The following GRAMD1B variants were observed in gnomAD, a reference collection of about 807,000 sequenced individuals.
GRAMD1B encodes the protein GRAM domain containing 1B.
In GRAMD1B, 37 loss-of-function variants were observed where a neutral mutation model predicts 99.7. The ratio of observed to expected loss-of-function variants is 0.37; its 90% CI spans 0.29 to 0.49. The LOEUF (loss-of-function observed/expected upper bound fraction) is 0.49, where lower values mean the gene tolerates loss of function less well. GRAMD1B is among the 20% of genes least tolerant of loss of function. The pLI is 0.98. For synonymous variants in GRAMD1B, 427 were observed against 387.6 expected (o/e 1.10, Z -1.19); for missense variants, 888 against 1,009.2 (o/e 0.88, Z 1.63).
At chr11:123,501,528 T>A (rs1767697272) in intron 2 of GRAMD1B, among the ~76,000 whole-genome samples, 1 of 152,152 alleles carries the variant, frequency 6.6e-6, no homozygotes, top group South Asian at 2.1e-4. Context: ...GAAACATGAT[T>A]ATCAAGGCAC....
At chr11:123,583,074 C>G (rs1047630490) in intron 3 of GRAMD1B, among the ~76,000 whole-genome samples, 5 of 150,104 alleles carry the variant, frequency 3.3e-5, no homozygotes, top group Admixed American at 6.6e-5. Context: ...ATGTGTGTGT[C>G]TCTGTGTGTA....
intron 2 of GRAMD1B, 28 bp from the exon 3 acceptor site, chr11:123,577,339 C>T: frequency 6.5e-7 from 1 of 1,541,586 alleles, no homozygotes; most frequent in South Asian, 1.2e-5. Context: ...CTTTCCACCC[C>T]GCTCCCTCTC....
At chr11:123,391,379 C>T (rs1246246959) in intron 1 of GRAMD1B, among the ~76,000 whole-genome samples, 2 of 152,164 alleles carry the variant, frequency 1.3e-5, no homozygotes, top group African/African-American at 2.4e-5. Context: ...ATATATCTAA[C>T]TTTCTGTCAC....
At chr11:123,499,068 G>T (rs1939593307) in intron 2 of GRAMD1B, among the ~76,000 whole-genome samples, 1 of 152,202 alleles carries the variant, frequency 6.6e-6, no homozygotes, top group Admixed American at 6.5e-5. Context: ...ACGTAGCTTG[G>T]TGGTATGGTT....
At chr11:123,606,833 GCT>G in intron 11 of GRAMD1B, 35 bp downstream of exon 11, 2 of 1,560,194 alleles carry the variant, frequency 1.3e-6, no homozygotes, top group Non-Finnish European at 1.8e-6. Context: ...AGTGGCCCTT[GCT>G]CTGTTTTGAA....
intron 1 of GRAMD1B, among the ~76,000 whole-genome samples, chr11:123,385,150 T>C (rs569295462): frequency 1.3e-5 from 2 of 152,372 alleles, no homozygotes; most frequent in South Asian, 4.1e-4. Context: ...GTTTACACTA[T>C]GCCAATTCTT....
chr11:123,585,183 A>G (rs1424236780), intron 4 of GRAMD1B, among the ~76,000 whole-genome samples: 1 of 152,170 alleles, frequency 6.6e-6, no homozygotes, highest in Non-Finnish European at 1.5e-5. Flanking sequence ...CGGACACACC[A>G]GGTTCTGCTG....
chr11:123,500,476 A>G (rs1468778508), intron 2 of GRAMD1B, among the ~76,000 whole-genome samples: 1 of 152,156 alleles, frequency 6.6e-6, no homozygotes, highest in East Asian at 1.9e-4. Flanking sequence ...TCACTTCCAC[A>G]ATGGGAAATT....
At chr11:123,583,212 G>A (rs958560250) in intron 3 of GRAMD1B, among the ~76,000 whole-genome samples, 6 of 151,246 alleles carry the variant, frequency 4.0e-5, no homozygotes, top group East Asian at 1.9e-4. Context: ...ACGTGTATTC[G>A]TGCGTGTGTG....
chr11:123,560,527 G>A (rs942633295), intron 2 of GRAMD1B: 98 of 1,267,748 alleles, frequency 7.7e-5, no homozygotes, highest in Non-Finnish European at 9.4e-5. Flanking sequence ...TGGTCATGGA[G>A]GTGAGTGCCC....
intron 1 of GRAMD1B, among the ~76,000 whole-genome samples, chr11:123,407,636 C>T (rs574506845): frequency 6.6e-6 from 1 of 152,192 alleles, no homozygotes. Flanking sequence ...GGCAGTTTTA[C>T]ACGGGGTTAG....
chr11:123,608,700 T>C lies in GRAMD1B; in HGVS notation c.1555T>C (p.Tyr519His). 5.1e-6 allele frequency: 8 copies of C among 1,565,990 alleles called. No homozygotes were observed. The highest frequency in any genetic ancestry group is 4.3e-6 in the Non-Finnish European group (5 of 1,154,116). Reference protein sequence around the residue: ...AFYEDLSGRQYVNEVFNFSVD... With the variant: ...AFYEDLSGRQHVNEVFNFSVD... The stretch of plus-strand genomic sequence containing the variant: ...CTATGAGGACCTGAGTGGCCGGCAG[T>C]ACGTGAATGAAGTCTTCAACTTCAG... The change falls in exon 12 of 20, where the codon TAC (tyrosine) becomes CAC (histidine). Residue 519 changes from tyrosine to histidine, a missense_variant. Physicochemically the swap from Tyr to His is moderately conservative, Grantham distance 83 (BLOSUM62 2). Around this residue, in one of 5 missense-constraint regions of GRAMD1B, gnomAD observed 269 missense variants for 296.6 expected, o/e 0.91. Transcript: ENST00000635736.
intron 2 of GRAMD1B, among the ~76,000 whole-genome samples, chr11:123,553,340 C>CTAATATGTAGAAGGAGACCTAT (rs2135894759): frequency 1.4e-5 from 1 of 72,274 alleles, no homozygotes; most frequent in Non-Finnish European, 2.5e-5. Flanking sequence ...ATGGGGTTTA[C>CTAATATGTAGAAGGAGACCTAT]CCCTAGTAAG....
intron 1 of GRAMD1B, among the ~76,000 whole-genome samples, chr11:123,392,624 T>G (rs1947320865): frequency 6.6e-6 from 1 of 152,116 alleles, no homozygotes; most frequent in South Asian, 2.1e-4. Context: ...ATTTTAAGTT[T>G]TATCATTCTA....
rs562969928 is a variant in GRAMD1B at position 123,407,433 on chromosome 11, C to T, written c.-176+48634C>T. Among the ~76,000 whole-genome samples the T allele has an allele frequency of 2.0e-5, 3 of 152,282 alleles. No homozygotes were observed. In the East Asian group the frequency reaches 5.8e-4, roughly 29 times the overall value. On this transcript the variant is annotated intron_variant, in intron 1 of 20. Coordinates refer to the GRAMD1B transcript ENST00000638157. Reference sequence around the variant, plus strand: ...GGGAAGGGGCTGGCATGTTTCTGGCCCACAGACCCAGGACTCTCTTGTTTG... The same window carrying T: ...GGGAAGGGGCTGGCATGTTTCTGGCTCACAGACCCAGGACTCTCTTGTTTG...
At chr11:123,408,984 C>G (rs187878166) in intron 1 of GRAMD1B, among the ~76,000 whole-genome samples, 213 of 152,350 alleles carry the variant, frequency 1.4e-3, no homozygotes, top group Non-Finnish European at 2.8e-3. Context: ...TTGTATTACA[C>G]TTGCCCTCTT....
At chr11:123,433,304 G>T (rs1948991041) in intron 1 of GRAMD1B, among the ~76,000 whole-genome samples, 1 of 152,170 alleles carries the variant, frequency 6.6e-6, no homozygotes. Flanking sequence ...CTTGAACCCG[G>T]GAGGTGGAGG....
chr11:123,507,268 C>G (rs1269939438), intron 2 of GRAMD1B, among the ~76,000 whole-genome samples: 1 of 152,132 alleles, frequency 6.6e-6, no homozygotes, highest in African/African-American at 2.4e-5. Context: ...TTGGCTTGGC[C>G]CCCACACCTT....
rs1162940606 is a variant in GRAMD1B, at chr11:123,610,324, C to T, written c.1905C>T (p.Asn635=). Residue 635 remains asparagine (N), a synonymous_variant, in exon 14 of 20, where the codon AAC becomes AAT. Transcript: ENST00000635736. The surrounding 1 kb of genome is among the most constrained non-coding windows in gnomAD (Gnocchi z 4.1). ...ACACGCTCACCCGTGTGGCTCGGAA[C>T]AAGAGCCGACTCAGGTGTGGTGTGT... ...NRYTLTRVAR[N]KSRLRVSTEL... The T allele has an allele frequency of 6.2e-7, 1 of 1,613,958 alleles. No homozygotes were observed. Among genetic ancestry groups the T allele is most frequent in the Non-Finnish European group, 8.5e-7 (1 of 1,179,864 alleles).
Sources: gnomAD v4.1 joint callset for allele counts (sites outside exome capture counted in the v4.1 genomes callset) on GRCh38, gnomAD v4.1.1 for gene constraint, gnomAD v4.1.1 regional missense constraint, Gnocchi (gnomAD v3.1) non-coding constraint, MANE v1.5 for transcripts, NCBI Gene and HGNC (gene_info 2026-07-23, HGNC 2026-07-21) for gene names.